Variants in TUBGCP2 observed in about 807,000 individuals in gnomAD.
TUBGCP2 encodes the protein gamma-tubulin complex component 2.
A neutral mutation model predicts 92.2 loss-of-function variants in TUBGCP2; 55 were observed. The observed-to-expected ratio is 0.60, with a 90% CI of 0.48 to 0.75. TUBGCP2 has a LOEUF of 0.75. Among genes scored for constraint, TUBGCP2 ranks in the 30% least tolerant of loss-of-function variants. The pLI, the probability that TUBGCP2 is intolerant of heterozygous loss-of-function variation, is 0.00. For missense variants in TUBGCP2, 1,093 were observed against 1,188.9 expected, an observed-to-expected ratio of 0.92 and a Z score of 1.19; for synonymous variants, 533 against 505.2, an observed-to-expected ratio of 1.06 and a Z score of -0.74.
At chr10:133,310,309 G>A, upstream of TUBGCP2, 1 of 1,612,838 alleles carries the variant, frequency 6.2e-7, no homozygotes, top group Non-Finnish European at 8.5e-7. Flanking sequence ...GCCAGGCTCA[G>A]CACGTGTCTG....
At chr10:133,304,772 T>C (rs1278048866) in intron 1 of TUBGCP2, among the ~76,000 whole-genome samples, 1 of 152,266 alleles carries the variant, frequency 6.6e-6, no homozygotes, top group African/African-American at 2.4e-5. Context: ...TAATAATCCT[T>C]GCTCTACAAT....
In TUBGCP2 at chr10:133,285,552, A is replaced by G. The variant is rs1292787527; in HGVS notation, c.1799T>C (p.Met600Thr). 2.5e-6 allele frequency: 4 copies of G among 1,582,912 alleles called. No individual in the cohort carries two copies. The Admixed American group carries it at 7.0e-5, about 28-fold the overall frequency. ...LAIETKQEKA[M>T]AHADPTELAL... ...CAGCTCCGTGGGGTCGGCGTGCGCC[A>G]TCGCCTTCTCCTGCTTGGTCTCGAT... The change falls in exon 12 of 18, where the codon ATG becomes ACG. Residue 600 changes from methionine (M) to threonine (T), a missense_variant. By Grantham distance (81) the Met-to-Thr change is moderately conservative. Around this residue, in one of 3 missense-constraint regions of TUBGCP2, gnomAD observed 598 missense variants for 675.5 expected, o/e 0.89. Transcript: ENST00000252936. This position sits in a 1 kb window ranked among gnomAD's most constrained non-coding sequence, Gnocchi z 6.8.
chr10:133,287,758 A>G (rs1222017469), intron 11 of TUBGCP2, among the ~76,000 whole-genome samples: 1 of 151,918 alleles, frequency 6.6e-6, no homozygotes, highest in African/African-American at 2.4e-5. Flanking sequence ...AAAAACAAAA[A>G]ACAACGACAA....
intron 5 of TUBGCP2, among the ~76,000 whole-genome samples, chr10:133,297,567 T>A (rs1434844952): frequency 6.6e-6 from 1 of 152,226 alleles, no homozygotes; most frequent in Non-Finnish European, 1.5e-5. Flanking sequence ...TAACAGAATC[T>A]ATGGGAGTCA....
chr10:133,292,085 G>A (rs80167058), intron 8 of TUBGCP2, among the ~76,000 whole-genome samples: 4 of 9,150 alleles, frequency 4.4e-4, no homozygotes, highest in South Asian at 2.8e-3. Flanking sequence ...GTGTCCCTCC[G>A]TGTCCCTCCG....
At chr10:133,290,954 A>G (rs565847995) in intron 8 of TUBGCP2, 6 of 158,170 alleles carry the variant, frequency 3.8e-5, no homozygotes, top group Non-Finnish European at 8.3e-5. Context: ...CGTAATAGAC[A>G]TAATACAATT....
At chr10:133,291,225 G>C (rs1328023835) in intron 8 of TUBGCP2, among the ~76,000 whole-genome samples, 1 of 150,600 alleles carries the variant, frequency 6.6e-6, no homozygotes, top group East Asian at 2.0e-4. Context: ...CCCCCAGAGA[G>C]GGCAGCACGC....
At chr10:133,280,775 G>A (rs886536151) in intron 17 of TUBGCP2, among the ~76,000 whole-genome samples, 2 of 152,170 alleles carry the variant, frequency 1.3e-5, no homozygotes, top group African/African-American at 4.8e-5. Flanking sequence ...GTGCTGAGCT[G>A]GGGTGGCGCT....
upstream of TUBGCP2, chr10:133,312,078 C>T (rs1589844625): frequency 1.4e-5 from 20 of 1,458,894 alleles, no homozygotes; most frequent in East Asian, 5.0e-4. Context: ...AAGCACCACT[C>T]ACTTTTCCTC....
chr10:133,291,827 G>A (rs998793614), intron 8 of TUBGCP2, among the ~76,000 whole-genome samples: 5 of 15,128 alleles, frequency 3.3e-4, no homozygotes, highest in South Asian at 3.6e-3. Flanking sequence ...ATGTCCCTCC[G>A]TGTCCCCCAT....
Position 133,279,651 on chromosome 10 carries a change from T to C in TUBGCP2, c.*115A>G. Reference sequence around the variant, plus strand: ...CAAAGTGAGCTGAGTCAATCATTCCTGCTTTATATTTAAACTGCAAAGACA... The same window carrying C: ...CAAAGTGAGCTGAGTCAATCATTCCCGCTTTATATTTAAACTGCAAAGACA... On this transcript the variant is annotated 3_prime_UTR_variant, in exon 18 of 18. Coordinates refer to ENST00000252936, the MANE Select transcript of TUBGCP2 (RefSeq NM_006659.4). 1 of 1,381,510 alleles carries C rather than the reference T, an allele frequency of 7.2e-7. No homozygotes were observed. Among genetic ancestry groups the C allele is most frequent in the Non-Finnish European group, 9.4e-7 (1 of 1,061,228 alleles). 85.6% of individuals were successfully genotyped at this position (1,381,510 alleles called of 1,614,324 possible).
Position 133,285,726 on chromosome 10 carries a change from G to C in TUBGCP2, c.1723-98C>G. On this transcript the variant is annotated intron_variant, in intron 11 of 17. Transcript: ENST00000252936. This position sits in a 1 kb window ranked among gnomAD's most constrained non-coding sequence, Gnocchi z 6.8. Reference sequence around the variant, plus strand: ...CCTCGCTCACAGACCCAGCGCTGACGTAAGGTTCCCTACATTCCGATTCTA... The same window carrying C: ...CCTCGCTCACAGACCCAGCGCTGACCTAAGGTTCCCTACATTCCGATTCTA... The C allele has an allele frequency of 8.2e-7, 1 of 1,220,444 alleles. No individual in the cohort carries two copies. Among genetic ancestry groups the C allele is most frequent in the Non-Finnish European group, 1.1e-6 (1 of 919,744 alleles). 75.6% of individuals were successfully genotyped at this position (1,220,444 alleles called of 1,614,324 possible).
chr10:133,280,378 C>T (rs1846936302), intron 17 of TUBGCP2, among the ~76,000 whole-genome samples: 1 of 152,150 alleles, frequency 6.6e-6, no homozygotes. Flanking sequence ...AAAATCAGAA[C>T]ATTTGTGGGG....
At chr10:133,305,335 C>A (rs542490641) in intron 1 of TUBGCP2, among the ~76,000 whole-genome samples, 1 of 152,348 alleles carries the variant, frequency 6.6e-6, no homozygotes, top group East Asian at 1.9e-4. Flanking sequence ...GGCCCCATGT[C>A]TGGTGGACAC....
chr10:133,279,831 G>A lies in TUBGCP2; in HGVS notation c.2644C>T (p.Pro882Ser), dbSNP rs1365092352. 1.3e-6 allele frequency: 2 copies of A among 1,596,250 alleles called. No individual in the cohort carries two copies. The highest frequency in any genetic ancestry group is 1.7e-6 in the Non-Finnish European group (2 of 1,172,434). The change falls in exon 18 of 18, where the codon CCC becomes TCC. Residue 882 changes from proline (P) to serine (S), a missense_variant. Pro to Ser is a moderately conservative substitution (Grantham distance 74). Around this residue, in one of 3 missense-constraint regions of TUBGCP2, gnomAD observed 598 missense variants for 675.5 expected, o/e 0.89. Transcript: ENST00000252936. ...GGCCCCCGCAGGACAGGCACTTGGG[G>A]GGTGGCCTTCTGGCTCCTCTCTGCA... Reference protein sequence around the residue: ...LSAERSQKATPQVPVLRGPPA... With the variant: ...LSAERSQKATSQVPVLRGPPA...
At chr10:133,307,816 T>C (rs1847861689) in intron 1 of TUBGCP2, among the ~76,000 whole-genome samples, 1 of 152,212 alleles carries the variant, frequency 6.6e-6, no homozygotes, top group East Asian at 1.9e-4. Flanking sequence ...CTCGCAGACC[T>C]GGATGGTGTA....
chr10:133,293,335 C>T (rs763944985), intron 6 of TUBGCP2, 97 bp from the exon 7 acceptor site: 9 of 1,421,326 alleles, frequency 6.3e-6, no homozygotes, highest in Non-Finnish European at 8.7e-6. Flanking sequence ...AAGCAAATGA[C>T]TCACTTGAAC....
At chr10:133,300,382 C>G in intron 2 of TUBGCP2, 1 of 300,728 alleles carries the variant, frequency 3.3e-6, no homozygotes, top group Non-Finnish European at 6.3e-6. Context: ...TCAAGACCAG[C>G]CTGGCCAAAA....
At chr10:133,311,636 T>C, upstream of TUBGCP2, 1 of 1,255,778 alleles carries the variant, frequency 8.0e-7, no homozygotes, top group East Asian at 2.3e-5. Flanking sequence ...ATCCAGTTTC[T>C]TTCTTGCATG....
Sources: allele counts gnomAD v4.1 joint callset (sites outside exome capture counted in the v4.1 genomes callset), GRCh38; gene constraint gnomAD v4.1.1; regional missense constraint gnomAD v4.1.1; non-coding constraint Gnocchi (gnomAD v3.1); transcripts MANE v1.5; gene names NCBI Gene and HGNC (gene_info 2026-07-23, HGNC 2026-07-21).